Variants in ZNF254 observed in about 807,000 individuals in gnomAD.
ZNF254 encodes the protein zinc finger protein 254.
ZNF254 carries 10 observed loss-of-function variants against 12.4 expected under a neutral mutation model. The observed-to-expected ratio is 0.80, with a 90% CI of 0.50 to 1.36. The LOEUF (loss-of-function observed/expected upper bound fraction) is 1.36. Ranked by LOEUF, ZNF254 falls within the 40% of genes most tolerant of loss-of-function variation. The probability of loss-of-function intolerance (pLI) is 0.00; values close to 1 mark genes in which losing one functional copy is unlikely to be tolerated. For missense variants in ZNF254, 996 were observed against 763.9 expected (o/e 1.30, Z -3.58); for synonymous variants, 305 against 253.4 (o/e 1.20, Z -1.93).
chr19:24,076,833 A>G (rs1971677233), intron 2 of ZNF254, among the ~76,000 whole-genome samples: 1 of 152,210 alleles, frequency 6.6e-6, no homozygotes, highest in Admixed American at 6.5e-5. Flanking sequence ...AAGAAAAATA[A>G]ATCTCCTGAT....
chr19:24,071,877 C>T (rs535168352), intron 2 of ZNF254, among the ~76,000 whole-genome samples: 120 of 152,114 alleles, frequency 7.9e-4, no homozygotes, highest in Non-Finnish European at 1.5e-3. Context: ...TAGCAGGGCT[C>T]ATGCAGGAGA....
At chr19:24,044,036 C>G (rs916773286) in intron 1 of ZNF254, among the ~76,000 whole-genome samples, 2 of 148,700 alleles carry the variant, frequency 1.3e-5, no homozygotes, top group African/African-American at 2.5e-5. Flanking sequence ...GTCAGGATTC[C>G]GAGACCAGCC....
chr19:24,121,595 T>C (rs1400165986), intron 3 of ZNF254, among the ~76,000 whole-genome samples: 1 of 152,178 alleles, frequency 6.6e-6, no homozygotes, highest in Non-Finnish European at 1.5e-5. Flanking sequence ...TTTGCTCTTC[T>C]TGACCAGGCT....
intron 3 of ZNF254, among the ~76,000 whole-genome samples, chr19:24,124,117 ATTTTG>A (rs1439518796): frequency 5.9e-5 from 9 of 151,562 alleles, no homozygotes; most frequent in East Asian, 5.8e-4. Flanking sequence ...GCTTTGACTT[ATTTTG>A]TTTTGTGTAT....
At chr19:24,100,597 T>A (rs1384925662) in intron 1 of ZNF254, among the ~76,000 whole-genome samples, 4 of 152,068 alleles carry the variant, frequency 2.6e-5, no homozygotes, top group Non-Finnish European at 5.9e-5. Context: ...TTCTATACCC[T>A]TACCCTTAAT....
At chr19:24,062,098 A>AG (rs923702446) in intron 2 of ZNF254, among the ~76,000 whole-genome samples, 1 of 132,572 alleles carries the variant, frequency 7.5e-6, no homozygotes, top group Non-Finnish European at 1.6e-5. Context: ...AAAAAAAAAA[A>AG]AAAAGAAAAA....
intron 3 of ZNF254, among the ~76,000 whole-genome samples, chr19:24,125,848 A>AC (rs1599770465): frequency 6.6e-6 from 1 of 152,066 alleles, no homozygotes; most frequent in East Asian, 1.9e-4. Flanking sequence ...TCAGGAAAAA[A>AC]CCCTAAAAGC....
intron 1 of ZNF254, among the ~76,000 whole-genome samples, chr19:24,091,394 G>C (rs1972375574): frequency 6.6e-6 from 1 of 151,806 alleles, no homozygotes; most frequent in African/African-American, 2.4e-5. Flanking sequence ...ATAGATAATT[G>C]ATGAGTTAAA....
At position 24,067,831 on chromosome 19, in the gene ZNF254, C is replaced by T. The variant is rs73928525; in HGVS notation, c.-94+21552C>T. Among the ~76,000 whole-genome samples the T allele has an allele frequency of 4.4e-3, 673 of 152,206 alleles. 2 individuals are homozygous for T. The highest frequency in any genetic ancestry group is 0.016 in the African/African-American group (651 of 41,540). On this transcript the variant is annotated intron_variant, in intron 2 of 4. Transcript: ENST00000613065. ...CATTGTGACGTGTAGCTGGGTCTGCCACCCAGGTAATGTGAGTCTTCCACA... is the reference window on the plus strand; with the variant it reads ...CATTGTGACGTGTAGCTGGGTCTGCTACCCAGGTAATGTGAGTCTTCCACA...
chr19:24,069,729 G>A (rs889604496), intron 2 of ZNF254, among the ~76,000 whole-genome samples: 1 of 151,970 alleles, frequency 6.6e-6, no homozygotes, highest in African/African-American at 2.4e-5. Flanking sequence ...GAGGTGGGCG[G>A]ATCACAAGGT....
chr19:24,078,080 C>T (rs1012730544), intron 2 of ZNF254, among the ~76,000 whole-genome samples: 1 of 152,168 alleles, frequency 6.6e-6, no homozygotes, highest in Middle Eastern at 3.2e-3. Context: ...ACTCTGTCAC[C>T]CAGGCTGGAG....
intron 3 of ZNF254, among the ~76,000 whole-genome samples, chr19:24,116,596 T>C (rs1345678266): frequency 6.6e-6 from 1 of 150,992 alleles, no homozygotes; most frequent in Admixed American, 6.6e-5. Flanking sequence ...TATACATTTG[T>C]CTAAATTTTT....
chr19:24,065,040 G>T (rs1452724614), intron 2 of ZNF254, among the ~76,000 whole-genome samples: 1 of 152,164 alleles, frequency 6.6e-6, no homozygotes, highest in Non-Finnish European at 1.5e-5. Context: ...ACTTGCCTGA[G>T]ACCTGCATAT....
chr19:24,056,152 C>T (rs1970845269), intron 2 of ZNF254, among the ~76,000 whole-genome samples: 1 of 152,120 alleles, frequency 6.6e-6, no homozygotes, highest in South Asian at 2.1e-4. Context: ...TGAGTCTCCT[C>T]CCCTGCCTTG....
chr19:24,055,047 C>G (rs1176648111), intron 2 of ZNF254, among the ~76,000 whole-genome samples: 1 of 150,954 alleles, frequency 6.6e-6, no homozygotes, highest in South Asian at 2.1e-4. Context: ...CTAAAAAATA[C>G]AAAAAATTAG....
At chr19:24,091,473 A>G (rs2145677196) in intron 1 of ZNF254, among the ~76,000 whole-genome samples, 1 of 152,096 alleles carries the variant, frequency 6.6e-6, no homozygotes, top group East Asian at 1.9e-4. Flanking sequence ...TCTTTGTTCT[A>G]TATCCTGTGT....
intron 3 of ZNF254, among the ~76,000 whole-genome samples, chr19:24,120,720 C>T (rs533052554): frequency 3.3e-5 from 5 of 151,914 alleles, no homozygotes; most frequent in East Asian, 3.9e-4. Flanking sequence ...TGGAGTGCAG[C>T]GGGACAATCT....
rs1971393506 is a variant in ZNF254 at position 24,069,315 on chromosome 19, GT to G, written c.-94+23039del. 2.0e-5 allele frequency among the ~76,000 whole-genome samples: 3 copies of G among 147,474 alleles called. No homozygotes were observed. The South Asian group carries it at 6.8e-4, about 34-fold the overall frequency. On this transcript the variant is annotated intron_variant, in intron 2 of 4. Transcript: ENST00000613065. ...GCCACTGCTCCCAGCCCAAGATTGT[GT>G]TTCTTAAAAGAACATCCTGGCCAGG...
chr19:24,103,537 G>A (rs1015482503), intron 1 of ZNF254, among the ~76,000 whole-genome samples: 1 of 152,082 alleles, frequency 6.6e-6, no homozygotes, highest in East Asian at 1.9e-4. Flanking sequence ...TCTGTTCTGG[G>A]TGAAAGCGTC....
Sources: gnomAD v4.1 joint callset for allele counts (sites outside exome capture counted in the v4.1 genomes callset) on GRCh38, gnomAD v4.1.1 for gene constraint, MANE v1.5 for transcripts, NCBI Gene and HGNC (gene_info 2026-07-23, HGNC 2026-07-21) for gene names.